SLC15A4: variants seen among roughly 807,000 people sequenced by gnomAD.
The protein encoded by SLC15A4 is hPHT1.
In SLC15A4, 26 loss-of-function variants were observed where a neutral mutation model predicts 46.1. The observed-to-expected ratio is 0.56, with a 90% CI of 0.41 to 0.78. SLC15A4 has a LOEUF of 0.78. Ranked by LOEUF, SLC15A4 falls within the 30% of genes least tolerant of loss-of-function variation. The pLI, the probability that SLC15A4 is intolerant of heterozygous loss-of-function variation, is 0.00. For missense variants in SLC15A4, 751 were observed against 755.7 expected (o/e 0.99, Z 0.07); for synonymous variants, 370 against 333.4 (o/e 1.11, Z -1.20).
At chr12:128,814,304 AG>A (rs1955713970) in intron 2 of SLC15A4, 35 of 207,554 alleles carry the variant, frequency 1.7e-4, no homozygotes, top group Middle Eastern at 4.8e-4. Flanking sequence ...TGTATGATGG[AG>A]CCCATGCTGA....
At chr12:128,798,650 C>T (rs1430551225) in intron 7 of SLC15A4, among the ~76,000 whole-genome samples, 1 of 152,140 alleles carries the variant, frequency 6.6e-6, no homozygotes, top group Non-Finnish European at 1.5e-5. Context: ...GAAACCTTCG[C>T]TTGCTGGGTC....
chr12:128,804,347 C>G (rs902612222), intron 5 of SLC15A4, among the ~76,000 whole-genome samples: 3 of 152,194 alleles, frequency 2.0e-5, no homozygotes, highest in Non-Finnish European at 4.4e-5. Context: ...TAAAACAAAT[C>G]AAAGCACACA....
At chr12:128,799,111 C>G in intron 7 of SLC15A4, 148 bp downstream of exon 7, 1 of 801,582 alleles carries the variant, frequency 1.2e-6, no homozygotes, top group Non-Finnish European at 2.0e-6. Context: ...GCAAGCAGCA[C>G]AGAGCAGTGC....
At position 128,800,860 on chromosome 12, in the gene SLC15A4, T is replaced by C. The variant is rs1048863584; in HGVS notation, c.1408A>G (p.Ile470Val). 8.1e-6 allele frequency: 13 copies of C among 1,610,880 alleles called. No homozygotes were observed. The Admixed American group carries it at 1.9e-4, about 23-fold the overall frequency. Residue 470 changes from isoleucine to valine, a missense_variant, in exon 6 of 8, where the codon ATC becomes GTC. Physicochemically the swap from Ile to Val is conservative, Grantham distance 29. Coordinates refer to ENST00000266771, the MANE Select transcript of SLC15A4 (RefSeq NM_145648.4). ...CGGCACTAAAGGTCCTCACCTGCGATACTTGCAAAGATCTCGCTGATCCCA... is the reference window on the plus strand; with the variant it reads ...CGGCACTAAAGGTCCTCACCTGCGACACTTGCAAAGATCTCGCTGATCCCA... ...LIGISEIFAS[I>V]AGLEFAYSAA...
chr12:128,816,499 T>C (rs1955753135), intron 1 of SLC15A4, among the ~76,000 whole-genome samples: 1 of 152,156 alleles, frequency 6.6e-6, no homozygotes, highest in Non-Finnish European at 1.5e-5. Flanking sequence ...CATAGAACAA[T>C]CTGCTCTACT....
At chr12:128,802,805 A>T (rs1199727370) in intron 5 of SLC15A4, among the ~76,000 whole-genome samples, 1 of 152,250 alleles carries the variant, frequency 6.6e-6, no homozygotes, top group Non-Finnish European at 1.5e-5. Context: ...ATCAAGAATT[A>T]GGAGAAGAGA....
At chr12:128,795,391 C>T (rs368899237) in intron 7 of SLC15A4, among the ~76,000 whole-genome samples, 2 of 152,192 alleles carry the variant, frequency 1.3e-5, no homozygotes, top group South Asian at 2.1e-4. Context: ...TTACACGCAA[C>T]GTCTGCATCC....
intron 2 of SLC15A4, chr12:128,813,887 A>G (rs1341095997): frequency 6.6e-6 from 1 of 152,144 alleles, no homozygotes; most frequent in African/African-American, 2.4e-5. Flanking sequence ...CTGTACAGAT[A>G]TAAGGGGTAA....
intron 3 of SLC15A4, 131 bp downstream of exon 3, chr12:128,809,811 AT>A (rs1593010973): frequency 2.2e-6 from 2 of 904,718 alleles, no homozygotes; most frequent in East Asian, 5.4e-5. Context: ...AAAACCAAAA[AT>A]TCCAAGATTC....
At chr12:128,818,114 G>C (rs1026972940) in intron 1 of SLC15A4, among the ~76,000 whole-genome samples, 1 of 151,604 alleles carries the variant, frequency 6.6e-6, no homozygotes, top group Non-Finnish European at 1.5e-5. Flanking sequence ...CTTTTCATCT[G>C]TAACATAAGA....
chr12:128,807,494 C>T (rs754607281), intron 5 of SLC15A4, among the ~76,000 whole-genome samples: 59 of 152,176 alleles, frequency 3.9e-4, no homozygotes, highest in Non-Finnish European at 8.4e-4. Flanking sequence ...AGTGTGGTGA[C>T]GGGGCACAGA....
intron 7 of SLC15A4, among the ~76,000 whole-genome samples, chr12:128,797,778 G>A (rs1955463966): frequency 6.6e-6 from 1 of 152,182 alleles, no homozygotes; most frequent in Non-Finnish European, 1.5e-5. Flanking sequence ...GGCTTCCTGT[G>A]GATTTCCCAT....
intron 7 of SLC15A4, among the ~76,000 whole-genome samples, chr12:128,795,713 G>A (rs1032277070): frequency 9.2e-5 from 14 of 152,246 alleles, no homozygotes; most frequent in African/African-American, 2.9e-4. Flanking sequence ...ATGTGCAGAC[G>A]TGGGAACGAC....
intron 7 of SLC15A4, among the ~76,000 whole-genome samples, chr12:128,794,589 C>T (rs1384203822): frequency 6.6e-6 from 1 of 152,212 alleles, no homozygotes; most frequent in African/African-American, 2.4e-5. Flanking sequence ...CTGTCTGCAG[C>T]CCCCCACCTG....
Position 128,823,816 on chromosome 12 carries a change from G to A in SLC15A4, c.128C>T (p.Thr43Met). The change falls in exon 1 of 8, where the codon ACG becomes ATG. Residue 43 changes from threonine (T) to methionine (M), a missense_variant. Transcript: ENST00000266771. ...RRAACGAVLL[T>M]ELLERAAFYG... ...GAAAGCGGCGCGCTCCAGCAGCTCC[G>A]TCAGCAGCACGGCCCCGCACGCCGC... is the stretch of plus-strand genomic sequence containing the variant. 2 of 1,477,622 alleles carry A rather than the reference G, an allele frequency of 1.4e-6. No individual in the cohort carries two copies. The highest frequency in any genetic ancestry group is 1.8e-6 in the Non-Finnish European group (2 of 1,117,764). The allele number at this position is 1,477,622 out of a possible 1,614,324, so 91.5% of individuals were successfully genotyped here. A position where few individuals can be genotyped will look rare whatever the true frequency, so the allele number is the denominator to read the frequency against.
chr12:128,816,785 C>T (rs1191180356), intron 1 of SLC15A4, among the ~76,000 whole-genome samples: 1 of 151,984 alleles, frequency 6.6e-6, no homozygotes, highest in Non-Finnish European at 1.5e-5. Flanking sequence ...GCTGTGATGG[C>T]ACCACTGCAC....
At chr12:128,814,696 A>C (rs1287519353) in intron 2 of SLC15A4, 79 bp downstream of exon 2, 3 of 1,484,836 alleles carry the variant, frequency 2.0e-6, no homozygotes, top group Non-Finnish European at 2.8e-6. Flanking sequence ...ATAAGCACAC[A>C]ACAAACCGAA....
chr12:128,817,228 T>C (rs1955767546), intron 1 of SLC15A4, among the ~76,000 whole-genome samples: 1 of 152,188 alleles, frequency 6.6e-6, no homozygotes, highest in Non-Finnish European at 1.5e-5. Context: ...AGGTGAGAAC[T>C]TCACAGACAT....
chr12:128,818,542 G>A (rs1484711822), intron 1 of SLC15A4, among the ~76,000 whole-genome samples: 10 of 152,210 alleles, frequency 6.6e-5, no homozygotes, highest in Non-Finnish European at 8.8e-5. Context: ...TGAAGCAGCC[G>A]CACCTGGAGG....
Sources: gnomAD v4.1 joint callset for allele counts (sites outside exome capture counted in the v4.1 genomes callset) on GRCh38, gnomAD v4.1.1 for gene constraint, MANE v1.5 for transcripts, NCBI Gene and HGNC (gene_info 2026-07-23, HGNC 2026-07-21) for gene names.